ANO2: variants seen among roughly 807,000 people sequenced by gnomAD.
The protein encoded by ANO2 is anoctamin-2.
In ANO2, 101 loss-of-function variants were observed where a neutral mutation model predicts 124.2. The ratio of observed to expected loss-of-function variants is 0.81; its 90% confidence interval spans 0.69 to 0.96. The LOEUF (loss-of-function observed/expected upper bound fraction) is 0.96, where lower values mean the gene tolerates loss of function less well. Among genes scored for constraint, ANO2 ranks in the 40% least tolerant of loss-of-function variants. ANO2 has a pLI of 0.00. For missense variants in ANO2, 1,293 were observed against 1,274.5 expected, an observed-to-expected ratio of 1.01 and a Z score of -0.22; for synonymous variants, 486 against 482.5, an observed-to-expected ratio of 1.01 and a Z score of -0.09.
At chr12:5,602,241 AT>A (rs1181464410) in intron 19 of ANO2, among the ~76,000 whole-genome samples, 1 of 149,132 alleles carries the variant, frequency 6.7e-6, no homozygotes, top group African/African-American at 2.4e-5. Flanking sequence ...TAAAAAATTA[AT>A]TGATCTAGGA....
intron 5 of ANO2, among the ~76,000 whole-genome samples, chr12:5,831,211 T>C (rs1337674223): frequency 6.6e-6 from 1 of 152,192 alleles, no homozygotes; most frequent in Non-Finnish European, 1.5e-5. Context: ...GGAAGGTACA[T>C]TTCTCCAAGT....
At chr12:5,620,238 G>A (rs1290073765) in intron 16 of ANO2, among the ~76,000 whole-genome samples, 1 of 152,218 alleles carries the variant, frequency 6.6e-6, no homozygotes, top group Non-Finnish European at 1.5e-5. Flanking sequence ...AGATACAGTA[G>A]TAAAACAGTA....
chr12:5,566,892 C>G (rs1941797003), intron 23 of ANO2, among the ~76,000 whole-genome samples: 1 of 152,182 alleles, frequency 6.6e-6, no homozygotes, highest in Non-Finnish European at 1.5e-5. Flanking sequence ...AGGGGACATT[C>G]ACAAGTAGGT....
chr12:5,837,632 A>G (rs1407060075), intron 4 of ANO2, among the ~76,000 whole-genome samples: 1 of 151,956 alleles, frequency 6.6e-6, no homozygotes, highest in Non-Finnish European at 1.5e-5. Flanking sequence ...TGACGAAATG[A>G]AGGCAGAAAT....
intron 14 of ANO2, among the ~76,000 whole-genome samples, chr12:5,679,025 A>C (rs1948380051): frequency 6.6e-6 from 1 of 152,248 alleles, no homozygotes; most frequent in Non-Finnish European, 1.5e-5. Context: ...TGAACTCGGC[A>C]TAAGCCAAAA....
intron 1 of ANO2, among the ~76,000 whole-genome samples, chr12:5,939,435 G>A (rs1012865450): frequency 6.6e-6 from 1 of 152,094 alleles, no homozygotes; most frequent in Non-Finnish European, 1.5e-5. Flanking sequence ...GATCAAAGAT[G>A]AGTTAGATCC....
chr12:5,938,936 T>C (rs1157140829), intron 1 of ANO2, among the ~76,000 whole-genome samples: 1 of 149,720 alleles, frequency 6.7e-6, no homozygotes, highest in Non-Finnish European at 1.5e-5. Context: ...AATAATTTTG[T>C]GGCCAGGCAA....
intron 10 of ANO2, among the ~76,000 whole-genome samples, chr12:5,755,626 A>G (rs553818179): frequency 2.0e-5 from 3 of 152,072 alleles, no homozygotes; most frequent in East Asian, 3.9e-4. Flanking sequence ...TCATTGTTCA[A>G]TTCCCACCAA....
intron 7 of ANO2, among the ~76,000 whole-genome samples, chr12:5,814,983 G>A (rs1387642635): frequency 5.9e-5 from 9 of 152,060 alleles, no homozygotes; most frequent in Admixed American, 5.2e-4. Context: ...GATAATGAGC[G>A]TTAAGGTGTT....
intron 4 of ANO2, among the ~76,000 whole-genome samples, chr12:5,836,595 C>T (rs1333503334): frequency 1.3e-5 from 2 of 152,176 alleles, no homozygotes; most frequent in Non-Finnish European, 2.9e-5. Flanking sequence ...AAGACCAAAA[C>T]TCTTAACACA....
intron 3 of ANO2, among the ~76,000 whole-genome samples, chr12:5,905,661 T>TTG (rs1940627092): frequency 3.9e-5 from 6 of 152,108 alleles, no homozygotes; most frequent in Admixed American, 2.0e-4. Context: ...GAAGAGCCCA[T>TTG]GACAAATCCA....
chr12:5,675,084 C>A (rs1428151692), intron 14 of ANO2, among the ~76,000 whole-genome samples: 1 of 152,110 alleles, frequency 6.6e-6, no homozygotes, highest in Non-Finnish European at 1.5e-5. Flanking sequence ...GACCCTCCAT[C>A]AATACAAGCT....
chr12:5,791,853 TATGAAATTCCACCACTTTA>T (rs1234444313), intron 10 of ANO2, among the ~76,000 whole-genome samples: 1 of 152,220 alleles, frequency 6.6e-6, no homozygotes, highest in African/African-American at 2.4e-5. Flanking sequence ...TAAGGAACCA[TATGAAATTCCACCACTTTA>T]ATGAATGTTA....
intron 15 of ANO2, among the ~76,000 whole-genome samples, chr12:5,643,049 A>G (rs1284186542): frequency 7.0e-6 from 1 of 143,784 alleles, no homozygotes; most frequent in African/African-American, 2.8e-5. Context: ...GTGAACATGC[A>G]GAAAAATCCA....
At chr12:5,708,016 T>C (rs1949678245) in intron 14 of ANO2, among the ~76,000 whole-genome samples, 1 of 152,190 alleles carries the variant, frequency 6.6e-6, no homozygotes, top group South Asian at 2.1e-4. Context: ...ACACCTGGAT[T>C]CAACACATCC....
At chr12:5,945,107 G>A in intron 1 of ANO2, 89 bp downstream of exon 1, 2 of 1,202,874 alleles carry the variant, frequency 1.7e-6, no homozygotes, top group Non-Finnish European at 2.2e-6. Context: ...CCCCAATCCC[G>A]AAGGGTGGGA....
chr12:5,629,257 T>C (rs959634828), intron 16 of ANO2, among the ~76,000 whole-genome samples: 4 of 152,134 alleles, frequency 2.6e-5, no homozygotes, highest in Non-Finnish European at 5.9e-5. Flanking sequence ...GCCAACAGCA[T>C]TTTGAGTATT....
chr12:5,658,534 C>T lies in ANO2; in HGVS notation c.1546-10733G>A, dbSNP rs1422154688. 5.9e-5 allele frequency among the ~76,000 whole-genome samples: 9 copies of T among 151,992 alleles called. No individual in the cohort carries two copies. The highest frequency in any genetic ancestry group is 4.4e-5 in the Non-Finnish European group (3 of 68,018). On this transcript the variant is annotated intron_variant, in intron 14 of 24. Coordinates refer to ENST00000682330, the MANE Select transcript of ANO2 (RefSeq NM_001364791.2). This position sits in a 1 kb window ranked among gnomAD's most constrained non-coding sequence, Gnocchi z 4.3. ...ATATAATCATCAACATCAATATCAT[C>T]GTATCAAAATCAATATAATCACCAA...
chr12:5,861,767 C>T (rs1424305856), intron 3 of ANO2, among the ~76,000 whole-genome samples: 3 of 152,182 alleles, frequency 2.0e-5, no homozygotes. Flanking sequence ...TCCCCTAAGA[C>T]ATCACCAGCG....
Sources: gnomAD v4.1 joint callset for allele counts (sites outside exome capture counted in the v4.1 genomes callset) on GRCh38, gnomAD v4.1.1 for gene constraint, Gnocchi (gnomAD v3.1) non-coding constraint, MANE v1.5 for transcripts, NCBI Gene and HGNC (gene_info 2026-07-23, HGNC 2026-07-21) for gene names.